Variants in SIN3A observed in about 807,000 individuals in gnomAD.
SIN3A encodes SIN3 transcription regulator family member A, also known as paired amphipathic helix protein Sin3a.
SIN3A carries 14 observed loss-of-function variants against 146.1 expected under a neutral mutation model. That is an observed-to-expected ratio of 0.10 (90% CI 0.06 to 0.15). The LOEUF (loss-of-function observed/expected upper bound fraction) is 0.15, where lower values mean the gene tolerates loss of function less well. Ranked by LOEUF, SIN3A falls within the 10% of genes least tolerant of loss-of-function variation. SIN3A has a pLI of 1.00. For synonymous variants in SIN3A, 572 were observed against 572.0 expected, an observed-to-expected ratio of 1.00 and a Z score of 0.00; for missense variants, 1,028 against 1,576.0, an observed-to-expected ratio of 0.65 and a Z score of 5.89.
chr15:75,432,493 C>A (rs998578651), intron 1 of SIN3A, among the ~76,000 whole-genome samples: 4 of 151,504 alleles, frequency 2.6e-5, no homozygotes, highest in African/African-American at 9.7e-5. Flanking sequence ...TTGGGACCAG[C>A]CTGGCCAACA....
intron 2 of SIN3A, among the ~76,000 whole-genome samples, chr15:75,426,208 T>G (rs2073923112): frequency 6.6e-6 from 1 of 152,182 alleles, no homozygotes; most frequent in East Asian, 1.9e-4. Flanking sequence ...ACAAGCAACT[T>G]TTTTTTCTTC....
intron 1 of SIN3A, among the ~76,000 whole-genome samples, chr15:75,437,382 G>T (rs780994807): frequency 1.1e-4 from 17 of 152,000 alleles, no homozygotes; most frequent in Admixed American, 2.0e-4. Flanking sequence ...GCCCAGGCTG[G>T]TCTCCAACTC....
chr15:75,436,610 C>T (rs2074112291), intron 1 of SIN3A, among the ~76,000 whole-genome samples: 1 of 152,018 alleles, frequency 6.6e-6, no homozygotes, highest in South Asian at 2.1e-4. Context: ...ATATGTTAAA[C>T]CTAGTAGTAG....
At chr15:75,415,952 C>G (rs565532805) in intron 3 of SIN3A, 1 of 332,948 alleles carries the variant, frequency 3.0e-6, no homozygotes, top group African/African-American at 2.2e-5. Context: ...GGGGAATAAC[C>G]TTGCAGGAAA....
chr15:75,389,461 A>G (rs2073156922), intron 16 of SIN3A, among the ~76,000 whole-genome samples, 191 bp downstream of exon 16: 9 of 152,226 alleles, frequency 5.9e-5, no homozygotes, highest in Admixed American at 5.9e-4. Flanking sequence ...GATATGGGGT[A>G]GGCAGGCTCA....
intron 1 of SIN3A, among the ~76,000 whole-genome samples, chr15:75,450,975 G>A (rs2074394157): frequency 6.6e-6 from 1 of 151,058 alleles, no homozygotes; most frequent in Non-Finnish European, 1.5e-5. Context: ...CAGACTTCAC[G>A]CCCCCTCCCT....
chr15:75,378,524 A>G (rs1171790649), intron 19 of SIN3A, among the ~76,000 whole-genome samples: 1 of 152,190 alleles, frequency 6.6e-6, no homozygotes, highest in Non-Finnish European at 1.5e-5. Context: ...AGATCACACC[A>G]TTGCACTCCA....
In SIN3A at chr15:75,381,503, TAAAC is replaced by T. The variant is rs1330659818; in HGVS notation, c.3288+106_3288+109del. 5 of 770,474 alleles carry T rather than the reference TAAAC, an allele frequency of 6.5e-6. No homozygotes were observed. In the East Asian group the frequency reaches 1.2e-4, roughly 19 times the overall value. The allele number at this position is 770,474 out of a possible 1,614,324, so 47.7% of individuals were successfully genotyped here. On this transcript the variant is annotated intron_variant, in intron 18 of 20. Coordinates refer to ENST00000394947, the MANE Select transcript of SIN3A (RefSeq NM_001145358.2). ...CTTTAAGCATCCAGGTCCTGACCCT[TAAAC>T]AGGCCTGAGGTGCCTTGGCCTTTTG...
At chr15:75,428,694 G>C (rs2073965919) in intron 2 of SIN3A, among the ~76,000 whole-genome samples, 1 of 152,064 alleles carries the variant, frequency 6.6e-6, no homozygotes, top group African/African-American at 2.4e-5. Context: ...GACGGGGCTT[G>C]CTATGTTGCC....
Position 75,430,378 on chromosome 15 carries a change from T to G in SIN3A, c.-3A>C. 6.2e-7 allele frequency: 1 copy of G among 1,606,078 alleles called. No individual in the cohort carries two copies. Among genetic ancestry groups the G allele is most frequent in the Middle Eastern group, 1.8e-4 (1 of 5,454 alleles). On this transcript the variant is annotated 5_prime_UTR_variant, in exon 2 of 21. Transcript: ENST00000394947. ...TGGTCATCCAAACGCCGCTTCATTC[T>G]GTGCTCATGCTCAGGGATGCACTAC...
chr15:75,439,428 C>A (rs1163693137), intron 1 of SIN3A, among the ~76,000 whole-genome samples: 5 of 152,040 alleles, frequency 3.3e-5, no homozygotes, highest in Middle Eastern at 3.2e-3. Flanking sequence ...GCAAGCTCCG[C>A]CTCCCAGGTT....
chr15:75,391,502 TA>T (rs35832447), intron 15 of SIN3A, among the ~76,000 whole-genome samples: 280 of 129,438 alleles, frequency 2.2e-3, no homozygotes, highest in Middle Eastern at 3.9e-3. Context: ...CAGCAACACA[TA>T]AAAAAAAAAA....
intron 1 of SIN3A, among the ~76,000 whole-genome samples, chr15:75,450,189 A>AC (rs1333322411): frequency 1.3e-5 from 2 of 152,132 alleles, no homozygotes; most frequent in East Asian, 1.9e-4. Flanking sequence ...TTAAAAAAAA[A>AC]AAACAAACCC....
At chr15:75,402,070 A>T in intron 9 of SIN3A, 100 bp from the exon 10 acceptor site, 1 of 740,542 alleles carries the variant, frequency 1.4e-6, no homozygotes, top group Non-Finnish European at 2.3e-6. Context: ...GCAGTTGTGT[A>T]ATCTCAGCTC....
rs556091373 is a variant in SIN3A, at chr15:75,443,412, T to C, written c.-34+8011A>G. Among the ~76,000 whole-genome samples the C allele has an allele frequency of 1.1e-4, 16 of 152,342 alleles. No homozygotes were observed. In the South Asian group the frequency reaches 3.3e-3, roughly 32 times the overall value. On this transcript the variant is annotated intron_variant, in intron 1 of 20. Transcript: ENST00000394947. ...AGATGGTATCTCCCAACTTCTTTTA[T>C]ACTTTCTTGAAAGATGCTGTAGGCT...
chr15:75,451,136 C>T (rs1595936755), intron 1 of SIN3A, among the ~76,000 whole-genome samples: 1 of 151,396 alleles, frequency 6.6e-6, no homozygotes, highest in Admixed American at 6.6e-5. Context: ...CGAAGCCGGC[C>T]CCGCCCCTTT....
chr15:75,376,254 T>C (rs910382185), intron 19 of SIN3A: 1 of 212,474 alleles, frequency 4.7e-6, no homozygotes, highest in Non-Finnish European at 9.5e-6. Flanking sequence ...CTGTCATGAA[T>C]ATTTTTTCAT....
At position 75,372,840 on chromosome 15, in the gene SIN3A, AC is replaced by A. The variant is rs35039189; in HGVS notation, c.3592-632del. 5.4e-4 allele frequency among the ~76,000 whole-genome samples: 81 copies of A among 148,864 alleles called. 1 individual carries two copies. The highest frequency in any genetic ancestry group is 1.1e-3 in the South Asian group (5 of 4,718). On this transcript the variant is annotated intron_variant, in intron 20 of 20. Transcript: ENST00000394947. ...GTCTCCAAAAAAAAAAAAAAAAAAAACCCAAAACCCCCAAAACCCACATTTC... is the reference window on the plus strand; with the variant it reads ...GTCTCCAAAAAAAAAAAAAAAAAAAACCAAAACCCCCAAAACCCACATTTC...
chr15:75,372,886 T>C (rs559384154), intron 20 of SIN3A, among the ~76,000 whole-genome samples: 14 of 151,528 alleles, frequency 9.2e-5, no homozygotes, highest in African/African-American at 3.2e-4. Context: ...CCAATGTGCA[T>C]TTTAAACCAG....
Sources: gnomAD v4.1 joint callset for allele counts (sites outside exome capture counted in the v4.1 genomes callset) on GRCh38, gnomAD v4.1.1 for gene constraint, MANE v1.5 for transcripts, NCBI Gene and HGNC (gene_info 2026-07-23, HGNC 2026-07-21) for gene names.